MAPK10: variants seen among roughly 807,000 people sequenced by gnomAD.
MAPK10 encodes mitogen-activated protein kinase 10, also known as JNK3 alpha protein kinase.
In MAPK10, 25 loss-of-function variants were observed where a neutral mutation model predicts 59.3. The ratio of observed to expected loss-of-function variants is 0.42; its 90% CI spans 0.31 to 0.59. MAPK10 has a LOEUF of 0.59. MAPK10 is among the 20% of genes least tolerant of loss of function. MAPK10 has a pLI of 0.15. For missense variants in MAPK10, 351 were observed against 568.9 expected (o/e 0.62, Z 3.90); for synonymous variants, 190 against 200.5 (o/e 0.95, Z 0.44).
chr4:86,265,929 C>T (rs949718401), intron 2 of MAPK10, among the ~76,000 whole-genome samples: 3 of 152,072 alleles, frequency 2.0e-5, no homozygotes, highest in African/African-American at 2.4e-5. Context: ...TGAGGATTAA[C>T]GACTTTTCCA....
chr4:86,033,580 G>T (rs542921319), intron 11 of MAPK10, among the ~76,000 whole-genome samples: 1 of 152,330 alleles, frequency 6.6e-6, no homozygotes, highest in African/African-American at 2.4e-5. Flanking sequence ...TCAGTGTACA[G>T]CTGTTGCTGA....
intron 9 of MAPK10, among the ~76,000 whole-genome samples, chr4:86,074,533 G>T (rs1394924339): frequency 1.5e-5 from 2 of 132,928 alleles, no homozygotes; most frequent in Admixed American, 7.2e-5. Context: ...GGCTGGTACT[G>T]GTTGTTCCTT....
At chr4:86,208,983 G>A (rs2085004298) in intron 2 of MAPK10, among the ~76,000 whole-genome samples, 1 of 152,002 alleles carries the variant, frequency 6.6e-6, no homozygotes, top group African/African-American at 2.4e-5. Flanking sequence ...CTAATTGCTT[G>A]TTCCTATACA....
At chr4:86,440,687 A>G (rs1259406100) in intron 1 of MAPK10, among the ~76,000 whole-genome samples, 1 of 152,188 alleles carries the variant, frequency 6.6e-6, no homozygotes, top group African/African-American at 2.4e-5. Flanking sequence ...AAAATATAAT[A>G]GAATATGTCC....
At chr4:86,249,425 C>T (rs994550724) in intron 2 of MAPK10, among the ~76,000 whole-genome samples, 1 of 152,092 alleles carries the variant, frequency 6.6e-6, no homozygotes, top group African/African-American at 2.4e-5. Flanking sequence ...GGACCTGTGC[C>T]CACCAAATTG....
chr4:86,301,216 C>A (rs1471060037), intron 2 of MAPK10, among the ~76,000 whole-genome samples: 1 of 151,916 alleles, frequency 6.6e-6, no homozygotes, highest in East Asian at 1.9e-4. Flanking sequence ...GAAATTTTCC[C>A]CAGTTGAGAA....
At chr4:86,352,352 A>C (rs1204866550) in intron 2 of MAPK10, 1 of 152,198 alleles carries the variant, frequency 6.6e-6, no homozygotes, top group African/African-American at 2.4e-5. Context: ...TGGCATATTG[A>C]TACAATAGAA....
chr4:86,054,030 G>A (rs1382848790), intron 11 of MAPK10, among the ~76,000 whole-genome samples: 2 of 152,128 alleles, frequency 1.3e-5, no homozygotes, highest in Admixed American at 6.6e-5. Flanking sequence ...ATGGTCTAAA[G>A]TGTTCAAGAT....
intron 2 of MAPK10, among the ~76,000 whole-genome samples, chr4:86,205,021 A>G (rs2083486191): frequency 6.6e-6 from 1 of 152,076 alleles, no homozygotes; most frequent in Non-Finnish European, 1.5e-5. Flanking sequence ...AGTGAAAAGC[A>G]GTAAAAGTGA....
chr4:86,505,401 A>G (rs1447220356), intron 1 of MAPK10, among the ~76,000 whole-genome samples: 4 of 152,066 alleles, frequency 2.6e-5, no homozygotes, highest in Admixed American at 6.6e-5. Flanking sequence ...GCTTGAGCCC[A>G]GGAGCTCAAG....
At chr4:86,054,618 T>C (rs1456239712) in intron 11 of MAPK10, among the ~76,000 whole-genome samples, 1 of 152,198 alleles carries the variant, frequency 6.6e-6, no homozygotes, top group African/African-American at 2.4e-5. Context: ...TTTCTATAAT[T>C]AAGCACATAA....
At chr4:86,025,434 G>A (rs1749686000) in intron 13 of MAPK10, 5 of 397,786 alleles carry the variant, frequency 1.3e-5, no homozygotes, top group Non-Finnish European at 1.8e-5. Flanking sequence ...CAAACGTAAG[G>A]GACAAGACAT....
At chr4:86,485,296 A>G (rs7695011) in intron 1 of MAPK10, among the ~76,000 whole-genome samples, 48,338 of 152,036 alleles carry the variant, frequency 0.32, 7,987 homozygotes, top group Admixed American at 0.37. Context: ...TCTTGGGAGC[A>G]CAATTGTAGT....
chr4:86,230,479 T>G (rs1368751086), intron 2 of MAPK10, among the ~76,000 whole-genome samples: 1 of 152,214 alleles, frequency 6.6e-6, no homozygotes, highest in African/African-American at 2.4e-5. Context: ...TCTCTTCTAA[T>G]TTTACCTCAG....
At chr4:86,522,282 G>A (rs904578605) in intron 1 of MAPK10, among the ~76,000 whole-genome samples, 6 of 152,152 alleles carry the variant, frequency 3.9e-5, no homozygotes, top group Non-Finnish European at 7.4e-5. Flanking sequence ...TGATGGGTTT[G>A]TACTTCCCAG....
At chr4:86,087,821 C>T (rs1026472124) in intron 9 of MAPK10, among the ~76,000 whole-genome samples, 1 of 151,740 alleles carries the variant, frequency 6.6e-6, no homozygotes, top group Non-Finnish European at 1.5e-5. Context: ...AAACCAGATA[C>T]AAATATTAAT....
chr4:86,560,301 GTATTT>G (rs1760577252), intron 1 of MAPK10, among the ~76,000 whole-genome samples: 1 of 152,218 alleles, frequency 6.6e-6, no homozygotes, highest in Admixed American at 6.5e-5. Flanking sequence ...GATATTTTCA[GTATTT>G]TCCAAAGTCT....
intron 9 of MAPK10, among the ~76,000 whole-genome samples, chr4:86,075,205 A>C (rs1579720074): frequency 6.6e-6 from 1 of 152,130 alleles, no homozygotes; most frequent in Non-Finnish European, 1.5e-5. Context: ...AGGCTTCTGC[A>C]TTCCTCACAT....
intron 2 of MAPK10, among the ~76,000 whole-genome samples, chr4:86,293,542 T>C (rs2095282326): frequency 1.3e-5 from 2 of 152,272 alleles, no homozygotes; most frequent in Admixed American, 6.5e-5. Context: ...TGAGAATCTC[T>C]GTGTGTTAGG....
Sources: gnomAD v4.1 joint callset for allele counts (sites outside exome capture counted in the v4.1 genomes callset) on GRCh38, gnomAD v4.1.1 for gene constraint, MANE v1.5 for transcripts, NCBI Gene and HGNC (gene_info 2026-07-23, HGNC 2026-07-21) for gene names.